TNFSF11: variants seen among roughly 807,000 people sequenced by gnomAD.
TNFSF11 encodes tumor necrosis factor ligand superfamily member 11.
A neutral mutation model predicts 32.2 loss-of-function variants in TNFSF11; 12 were observed. The ratio of observed to expected loss-of-function variants is 0.37; its 90% CI spans 0.24 to 0.60. The LOEUF (loss-of-function observed/expected upper bound fraction) is 0.60, where lower values mean the gene tolerates loss of function less well. Among genes scored for constraint, TNFSF11 ranks in the 20% least tolerant of loss-of-function variants. The pLI is 0.66. For missense variants in TNFSF11, 345 were observed against 398.0 expected (o/e 0.87, Z 1.13); for synonymous variants, 172 against 152.1 (o/e 1.13, Z -0.96).
At chr13:42,588,309 A>T (rs1214383384) in intron 2 of TNFSF11, among the ~76,000 whole-genome samples, 2 of 152,228 alleles carry the variant, frequency 1.3e-5, no homozygotes, top group Non-Finnish European at 2.9e-5. Context: ...AGAAGGTAGG[A>T]AGCAGGAGGG....
chr13:42,575,265 A>G (rs1207877929), intron 1 of TNFSF11, among the ~76,000 whole-genome samples: 1 of 152,152 alleles, frequency 6.6e-6, no homozygotes, highest in Non-Finnish European at 1.5e-5. Flanking sequence ...CAAATAACCA[A>G]CCTTCGGAAA....
chr13:42,569,571 A>G (rs1307127221), upstream of TNFSF11, among the ~76,000 whole-genome samples: 1 of 151,438 alleles, frequency 6.6e-6, no homozygotes, highest in Non-Finnish European at 1.5e-5. Context: ...AGAAAAGAAA[A>G]GAAAAGAAAA....
At chr13:42,572,084 A>G (rs950037128), upstream of TNFSF11, among the ~76,000 whole-genome samples, 5 of 152,228 alleles carry the variant, frequency 3.3e-5, no homozygotes, top group Admixed American at 3.3e-4. Context: ...GTGAAACAGC[A>G]GCAGGTAGAC....
chr13:42,583,261 A>C (rs1873704998), intron 2 of TNFSF11, among the ~76,000 whole-genome samples: 1 of 151,700 alleles, frequency 6.6e-6, no homozygotes, highest in Non-Finnish European at 1.5e-5. Context: ...AAAGTAAAAA[A>C]AATTAGCTGG....
chr13:42,599,349 C>CTATCTATCTATTATCTATCT (rs11385072), intron 2 of TNFSF11, among the ~76,000 whole-genome samples: 3 of 112,186 alleles, frequency 2.7e-5, no homozygotes, highest in African/African-American at 1.1e-4. Flanking sequence ...ATCTATCTAT[C>CTATCTATCTATTATCTATCT]ATCTATCTAT....
At chr13:42,578,238 G>A (rs140904480) in intron 1 of TNFSF11, among the ~76,000 whole-genome samples, 62 of 152,322 alleles carry the variant, frequency 4.1e-4, no homozygotes, top group African/African-American at 1.5e-3. Flanking sequence ...AGACTAATGT[G>A]TGCTAGTAGG....
exon 1 of TNFSF11, chr13:42,562,934 C>A (rs1306655729): frequency 6.6e-6 from 1 of 152,214 alleles, no homozygotes; most frequent in African/African-American, 2.4e-5. Flanking sequence ...CAGCCAGAGG[C>A]AAGCTGTAGC....
intron 1 of TNFSF11, among the ~76,000 whole-genome samples, chr13:42,579,293 A>G (rs1873474514): frequency 1.3e-5 from 2 of 151,994 alleles, no homozygotes; most frequent in South Asian, 4.2e-4. Context: ...CTGTAGTCCC[A>G]GCTACATGGA....
At chr13:42,575,096 G>A in intron 1 of TNFSF11, among the ~76,000 whole-genome samples, 1 of 152,160 alleles carries the variant, frequency 6.6e-6, no homozygotes, top group East Asian at 1.9e-4. Context: ...AGAATGACAC[G>A]GCGCGACCAG....
At chr13:42,596,134 G>C (rs1868796560) in intron 2 of TNFSF11, among the ~76,000 whole-genome samples, 1 of 152,186 alleles carries the variant, frequency 6.6e-6, no homozygotes, top group African/African-American at 2.4e-5. Context: ...TGATCTTTGA[G>C]AAGATGGCAA....
At chr13:42,577,944 G>A (rs142822348) in intron 1 of TNFSF11, among the ~76,000 whole-genome samples, 3 of 152,270 alleles carry the variant, frequency 2.0e-5, no homozygotes, top group Non-Finnish European at 2.9e-5. Context: ...GTTTTCAGAC[G>A]TGTCTAAGTA....
intron 2 of TNFSF11, among the ~76,000 whole-genome samples, chr13:42,597,340 CTT>C (rs774612741): frequency 8.0e-6 from 1 of 125,760 alleles, no homozygotes; most frequent in Non-Finnish European, 1.6e-5. Context: ...GCCTTTTGTT[CTT>C]TTTTTTTTTT....
intron 2 of TNFSF11, among the ~76,000 whole-genome samples, chr13:42,590,705 A>G (rs1874126591): frequency 6.6e-6 from 1 of 152,258 alleles, no homozygotes; most frequent in Admixed American, 6.5e-5. Context: ...AACCAGTAGT[A>G]TAGTATAAGA....
intron 2 of TNFSF11, among the ~76,000 whole-genome samples, chr13:42,597,033 C>T (rs1868846218): frequency 6.6e-6 from 1 of 152,222 alleles, no homozygotes; most frequent in Non-Finnish European, 1.5e-5. Flanking sequence ...ATCTCAAGGC[C>T]AGAAGACACC....
chr13:42,576,849 G>T (rs1217681753), intron 1 of TNFSF11, among the ~76,000 whole-genome samples: 1 of 152,202 alleles, frequency 6.6e-6, no homozygotes, highest in South Asian at 2.1e-4. Flanking sequence ...GATGAAAAAA[G>T]ATTTGCCATA....
Position 42,606,757 on chromosome 13 carries a change from T to A in TNFSF11, c.793T>A (p.Ser265Thr). ...GAAAGGAGGAAGCACCAAGTATTGGTCAGGGAATTCTGAATTCCATTTTTA... is the reference window on the plus strand; with the variant it reads ...GAAAGGAGGAAGCACCAAGTATTGGACAGGGAATTCTGAATTCCATTTTTA... ...LMKGGSTKYWSGNSEFHFYSI... is the reference protein window; with the variant it reads ...LMKGGSTKYWTGNSEFHFYSI... Residue 265 changes from serine (S) to threonine (T), a missense_variant, in exon 5 of 5, where the codon TCA (serine) becomes ACA (threonine). Physicochemically the swap from Ser to Thr is moderately conservative, Grantham distance 58 (BLOSUM62 1). This residue lies in a region of TNFSF11 where 148 missense variants were observed against 216.0 expected (regional missense o/e 0.69). Coordinates refer to ENST00000398795, the MANE Select transcript of TNFSF11 (RefSeq NM_003701.4). The A allele has an allele frequency of 6.2e-7, 1 of 1,614,120 alleles. No homozygotes were observed. The highest frequency in any genetic ancestry group is 8.5e-7 in the Non-Finnish European group (1 of 1,180,000).
At chr13:42,580,329 A>G (rs755881483) in intron 1 of TNFSF11, among the ~76,000 whole-genome samples, 35 of 152,220 alleles carry the variant, frequency 2.3e-4, no homozygotes, top group Non-Finnish European at 4.3e-4. Flanking sequence ...TTAACAGGCA[A>G]TCAGCTAATT....
At chr13:42,565,410 T>A (rs1330628283) in intron 1 of TNFSF11, among the ~76,000 whole-genome samples, 1 of 152,156 alleles carries the variant, frequency 6.6e-6, no homozygotes, top group Non-Finnish European at 1.5e-5. Context: ...ATTTTTTCAA[T>A]GTTACTACAA....
intron 2 of TNFSF11, among the ~76,000 whole-genome samples, chr13:42,584,342 T>C (rs1873781944): frequency 1.3e-5 from 2 of 152,224 alleles, no homozygotes; most frequent in South Asian, 4.1e-4. Flanking sequence ...TTCATCCTTT[T>C]TTAAAAGTTA....
Sources: allele counts gnomAD v4.1 joint callset (sites outside exome capture counted in the v4.1 genomes callset), GRCh38; gene constraint gnomAD v4.1.1; regional missense constraint gnomAD v4.1.1; transcripts MANE v1.5; gene names NCBI Gene and HGNC (gene_info 2026-07-23, HGNC 2026-07-21).